CPZ: variants seen among roughly 807,000 people sequenced by gnomAD.
CPZ encodes the protein VEZT/CPZ fusion.
A neutral mutation model predicts 61.8 loss-of-function variants in CPZ; 103 were observed. The observed-to-expected ratio is 1.67, with a 90% CI of 1.42 to 1.96. The LOEUF is 1.96. Among genes scored for constraint, CPZ ranks in the 30% most tolerant of loss-of-function variants. CPZ has a pLI of 0.00. For missense variants in CPZ, 1,461 were observed against 914.9 expected (o/e 1.60, Z -7.70); for synonymous variants, 551 against 373.7 (o/e 1.47, Z -5.47).
At chr4:8,594,167 C>T (rs938892215) in intron 1 of CPZ, among the ~76,000 whole-genome samples, 14 of 152,230 alleles carry the variant, frequency 9.2e-5, no homozygotes, top group African/African-American at 3.4e-4. Flanking sequence ...GCCGTGGCAT[C>T]GGCAAGTGTT....
intron 1 of CPZ, among the ~76,000 whole-genome samples, chr4:8,597,883 A>G (rs988922864): frequency 1.3e-5 from 2 of 152,328 alleles, no homozygotes; most frequent in East Asian, 3.9e-4. Flanking sequence ...AAATGGAGAC[A>G]CAAAAGAGCC....
At chr4:8,602,902 TA>T (rs1465338240) in intron 3 of CPZ, 2 of 152,200 alleles carry the variant, frequency 1.3e-5, no homozygotes, top group African/African-American at 4.8e-5. Flanking sequence ...GATGCAGCGG[TA>T]GGGGGGGTGC....
Position 8,606,896 on chromosome 4 carries a change from A to AAGGT in CPZ, c.1068+2_1068+5dup. The AAGGT allele has an allele frequency of 1.2e-6, 2 of 1,607,746 alleles. No individual in the cohort carries two copies. Among genetic ancestry groups the AAGGT allele is most frequent in the Non-Finnish European group, 1.7e-6 (2 of 1,177,468 alleles). On this transcript the variant is annotated frameshift_variant and splice_region_variant, in exon 6 of 11. Transcript: ENST00000360986. LOFTEE classifies it high-confidence loss of function. ...CATCCCCCAGCACTACTGGTGGGGT[A>AAGGT]AGGTAGGAGCCGCCGCTGCCCATGC...
At position 8,601,648 on chromosome 4, in the gene CPZ, G is replaced by A. The variant is rs1714585719; in HGVS notation, c.496+151G>A. 1.4e-5 allele frequency: 12 copies of A among 863,728 alleles called. No homozygotes were observed. The East Asian group carries it at 2.1e-4, about 15-fold the overall frequency. 53.5% of individuals were successfully genotyped at this position (863,728 alleles called of 1,614,324 possible). A position where few individuals can be genotyped will look rare whatever the true frequency, so the allele number is the denominator to read the frequency against. ...GCGGGGCTGCTCCCCGAGGCAGCATGTTCCCCACAAAAGGGTGCCAGGCAG... is the reference window on the plus strand; with the variant it reads ...GCGGGGCTGCTCCCCGAGGCAGCATATTCCCCACAAAAGGGTGCCAGGCAG... On this transcript the variant is annotated intron_variant, in intron 3 of 10. Transcript: ENST00000360986.
chr4:8,615,861 T>A (rs1380225909), intron 9 of CPZ, among the ~76,000 whole-genome samples: 2 of 152,310 alleles, frequency 1.3e-5, no homozygotes, highest in African/African-American at 4.8e-5. Context: ...GCCGCTGAGA[T>A]AGGAAAGAAA....
At position 8,618,668 on chromosome 4, in the gene CPZ, G is replaced by T. The variant is rs113855221; in HGVS notation, c.1603+140G>T. 5.2e-6 allele frequency: 4 copies of T among 764,044 alleles called. No homozygotes were observed. The South Asian group carries it at 6.9e-5, about 13-fold the overall frequency. 47.3% of individuals were successfully genotyped at this position (764,044 alleles called of 1,614,324 possible). ...CATTCCTCCCCAGGCTGGCTGGGTC[G>T]GGGAGGGTGGGCAGGAACCAGGGTC... On this transcript the variant is annotated intron_variant, in intron 10 of 10. Transcript: ENST00000360986.
At chr4:8,597,329 A>C (rs1294738231) in intron 1 of CPZ, 1 of 152,234 alleles carries the variant, frequency 6.6e-6, no homozygotes. Flanking sequence ...GTGAGGGCAC[A>C]GTATTTCAAG....
intron 3 of CPZ, chr4:8,602,232 T>G (rs1270322280): frequency 6.6e-6 from 1 of 152,374 alleles, no homozygotes. Flanking sequence ...TGGAGTCCCC[T>G]GTGTCTGTTG....
chr4:8,613,834 C>T lies in CPZ; in HGVS notation c.1364-525C>T, dbSNP rs145499378. On this transcript the variant is annotated intron_variant, in intron 8 of 10. Coordinates refer to ENST00000360986, the MANE Select transcript of CPZ (RefSeq NM_001014447.3). ...TCCCTGGGAGATGGAGCTAATAGGA[C>T]CACCCTCCTAGACTCTGGTCAGGAC... Among the ~76,000 whole-genome samples the T allele has an allele frequency of 8.1e-4, 124 of 152,324 alleles. 1 individual carries two copies. The highest frequency in any genetic ancestry group is 5.1e-3 in the Admixed American group (78 of 15,308).
chr4:8,608,311 C>T (rs1419362065), intron 7 of CPZ, among the ~76,000 whole-genome samples: 1 of 152,212 alleles, frequency 6.6e-6, no homozygotes, highest in African/African-American at 2.4e-5. Context: ...ACCTCCCTCC[C>T]TGCACTTTCC....
At chr4:8,616,123 G>A (rs531790209) in intron 9 of CPZ, among the ~76,000 whole-genome samples, 1 of 152,224 alleles carries the variant, frequency 6.6e-6, no homozygotes, top group Non-Finnish European at 1.5e-5. Context: ...GTGGACCTTG[G>A]AAGGCTGGGC....
At chr4:8,600,983 G>T (rs1714529480) in intron 2 of CPZ, 140 bp from the exon 3 acceptor site, 1 of 1,414,616 alleles carries the variant, frequency 7.1e-7, no homozygotes, top group Non-Finnish European at 9.2e-7. Flanking sequence ...AGTAGCTGTT[G>T]TCCTGGTCCT....
intron 1 of CPZ, among the ~76,000 whole-genome samples, chr4:8,593,812 G>C (rs1214631560): frequency 6.6e-6 from 1 of 152,128 alleles, no homozygotes; most frequent in African/African-American, 2.4e-5. Flanking sequence ...TTTCCTTTCC[G>C]TCCTGTTGAT....
Position 8,603,960 on chromosome 4 carries a change from C to G in CPZ, c.497-16C>G, listed in dbSNP as rs79175986. Reference sequence around the variant, plus strand: ...GGGGGCCTGACACTGACTGAGCCCCCCCACTGCTCCCCCAGGAGGCCTGGA... The same window carrying G: ...GGGGGCCTGACACTGACTGAGCCCCGCCACTGCTCCCCCAGGAGGCCTGGA... On this transcript the variant is annotated splice_polypyrimidine_tract_variant and intron_variant, in intron 3 of 10. Transcript: ENST00000360986. 6.1e-3 allele frequency: 9,881 copies of G among 1,610,466 alleles called. 470 individuals are homozygous for G. The African/African-American group carries it at 0.11, about 18-fold the overall frequency.
chr4:8,612,574 G>T (rs1197741393), intron 8 of CPZ, among the ~76,000 whole-genome samples: 1 of 152,186 alleles, frequency 6.6e-6, no homozygotes, highest in Non-Finnish European at 1.5e-5. Flanking sequence ...ATGCTTACAA[G>T]AACCCGCATG....
rs766936569 is a variant in CPZ, at chr4:8,601,393, C to G, written c.392C>G (p.Pro131Arg). The G allele has an allele frequency of 1.6e-5, 25 of 1,593,372 alleles. No homozygotes were observed. The highest frequency in any genetic ancestry group is 2.1e-5 in the Non-Finnish European group (25 of 1,168,738). Reference protein sequence around the residue: ...ICEGLREVCQPAFDAIDMAWP... With the variant: ...ICEGLREVCQRAFDAIDMAWP... ...GAGGGCCTGCGGGAGGTCTGCCAGC[C>G]CGCCTTCGACGCCATTGACATGGCC... Residue 131 changes from proline to arginine, a missense_variant, in exon 3 of 11, where the codon CCC (proline) becomes CGC (arginine). By Grantham distance (103) the Pro-to-Arg change is moderately radical. Transcript: ENST00000360986.
chr4:8,605,963 C>A (rs778587239), intron 4 of CPZ, 26 bp from the exon 5 acceptor site: 2 of 1,602,606 alleles, frequency 1.2e-6, no homozygotes, highest in Admixed American at 1.7e-5. Context: ...TGAGATGATG[C>A]CCCAAGTCTC....
intron 9 of CPZ, 121 bp from the exon 10 acceptor site, chr4:8,618,308 T>C: frequency 1.2e-6 from 1 of 829,630 alleles, no homozygotes; most frequent in Non-Finnish European, 2.0e-6. Flanking sequence ...AGAGTGGGGC[T>C]CTGTGGGGTA....
intron 9 of CPZ, among the ~76,000 whole-genome samples, chr4:8,616,841 G>C (rs954077316): frequency 1.3e-5 from 2 of 152,212 alleles, no homozygotes; most frequent in South Asian, 2.1e-4. Context: ...ATTAAGCAGC[G>C]AAGTGTGGAC....
Sources: allele counts gnomAD v4.1 joint callset (sites outside exome capture counted in the v4.1 genomes callset), GRCh38; gene constraint gnomAD v4.1.1; transcripts MANE v1.5; gene names NCBI Gene and HGNC (gene_info 2026-07-23, HGNC 2026-07-21).